Variants in LRP1B observed in about 807,000 individuals in gnomAD.
The protein encoded by LRP1B is low-density lipoprotein receptor-related protein 1B.
LRP1B carries 217 observed loss-of-function variants against 556.6 expected under a neutral mutation model. The ratio of observed to expected loss-of-function variants is 0.39; its 90% CI spans 0.35 to 0.44. LRP1B has a LOEUF of 0.44. Among genes scored for constraint, LRP1B ranks in the 20% least tolerant of loss-of-function variants. The pLI is 1.00. For synonymous variants in LRP1B, 2,047 were observed against 1,865.8 expected (o/e 1.10, Z -2.50); for missense variants, 5,053 against 5,620.8 (o/e 0.90, Z 3.23).
intron 9 of LRP1B, among the ~76,000 whole-genome samples, 189 bp from the exon 10 acceptor site, chr2:141,055,448 G>C (rs1246541096): frequency 6.6e-6 from 1 of 151,730 alleles, no homozygotes; most frequent in Non-Finnish European, 1.5e-5. Flanking sequence ...ACAGGGATTT[G>C]ACAAAATCCT....
At chr2:140,641,080 A>T (rs890567798) in intron 41 of LRP1B, among the ~76,000 whole-genome samples, 4 of 152,228 alleles carry the variant, frequency 2.6e-5, no homozygotes, top group African/African-American at 7.2e-5. Context: ...AAAACTCCAC[A>T]TAAAAGACAA....
At chr2:141,068,571 A>C in intron 7 of LRP1B, among the ~76,000 whole-genome samples, 1 of 151,662 alleles carries the variant, frequency 6.6e-6, no homozygotes, top group East Asian at 2.0e-4. Context: ...AAAAAAAAAA[A>C]AAAAAAGGAA....
chr2:141,046,331 A>T (rs900344190), intron 11 of LRP1B, among the ~76,000 whole-genome samples: 1 of 152,142 alleles, frequency 6.6e-6, no homozygotes, highest in Non-Finnish European at 1.5e-5. Flanking sequence ...ACTCTACCTA[A>T]ATAAGTGAAT....
intron 3 of LRP1B, among the ~76,000 whole-genome samples, chr2:141,446,973 G>C (rs1398038527): frequency 1.3e-5 from 2 of 152,078 alleles, no homozygotes; most frequent in Non-Finnish European, 2.9e-5. Flanking sequence ...TGCTAGGTTG[G>C]GGAAGTTCTC....
At chr2:141,194,001 A>G (rs1358307349) in intron 6 of LRP1B, among the ~76,000 whole-genome samples, 2 of 152,106 alleles carry the variant, frequency 1.3e-5, no homozygotes, top group Non-Finnish European at 2.9e-5. Context: ...TCCAATAGAG[A>G]TGCAAATGAT....
rs1339678872 is a variant in LRP1B at position 141,010,935 on chromosome 2, G to A, written c.2380+2621C>T. 2.8e-5 allele frequency among the ~76,000 whole-genome samples: 4 copies of A among 143,790 alleles called. No individual in the cohort carries two copies. The South Asian group carries it at 9.1e-4, about 33-fold the overall frequency. 94.3% of individuals were successfully genotyped at this position (143,790 alleles called of 152,430 possible). A position where few individuals can be genotyped will look rare whatever the true frequency, so the allele number is the denominator to read the frequency against. On this transcript the variant is annotated intron_variant, in intron 14 of 90. Transcript: ENST00000389484. ...ATTAGCATTCCTGAATATTTTTCAT[G>A]GTGGTCTTGTCAGATGGTGTGTGTG...
intron 23 of LRP1B, among the ~76,000 whole-genome samples, chr2:140,896,950 C>T (rs998019482): frequency 2.0e-5 from 3 of 152,148 alleles, no homozygotes; most frequent in African/African-American, 7.2e-5. Context: ...CCAGTAGTAA[C>T]TAGTCAATTC....
In LRP1B at chr2:141,756,349, T is replaced by C. The variant is rs1694318076; in HGVS notation, c.205+53930A>G. Among the ~76,000 whole-genome samples the C allele has an allele frequency of 2.0e-5, 3 of 152,106 alleles. 1 individual carries two copies. The highest frequency in any genetic ancestry group is 4.1e-4 in the South Asian group (2 of 4,828). On this transcript the variant is annotated intron_variant, in intron 2 of 90. Transcript: ENST00000389484. ...ACTTTAATGAGTTCAAATTAAATGATTTGACCAGCACCATGCAATTGAAAA... is the reference window on the plus strand; with the variant it reads ...ACTTTAATGAGTTCAAATTAAATGACTTGACCAGCACCATGCAATTGAAAA...
intron 32 of LRP1B, among the ~76,000 whole-genome samples, chr2:140,780,684 T>C (rs1301696074): frequency 6.6e-6 from 1 of 152,184 alleles, no homozygotes; most frequent in African/African-American, 2.4e-5. Flanking sequence ...AATCCTCACA[T>C]TTCATTCAGC....
At chr2:141,102,996 A>T (rs1700504938) in intron 7 of LRP1B, among the ~76,000 whole-genome samples, 1 of 152,138 alleles carries the variant, frequency 6.6e-6, no homozygotes, top group Admixed American at 6.6e-5. Context: ...CCTATAATAA[A>T]GCAAACCAGA....
intron 3 of LRP1B, among the ~76,000 whole-genome samples, chr2:141,446,064 T>C (rs1466041339): frequency 1.3e-5 from 2 of 152,206 alleles, no homozygotes; most frequent in Non-Finnish European, 2.9e-5. Context: ...AGTCTCTTTG[T>C]AGGTCTCTAA....
chr2:140,506,991 G>A (rs2104908231), intron 52 of LRP1B, 73 bp from the exon 53 acceptor site: 1 of 1,461,210 alleles, frequency 6.8e-7, no homozygotes, highest in Non-Finnish European at 9.2e-7. Context: ...GGAGCTTGGG[G>A]AATATATAAA....
intron 57 of LRP1B, 39 bp downstream of exon 57, chr2:140,492,569 C>T (rs1285482968): frequency 7.3e-7 from 1 of 1,374,472 alleles, no homozygotes; most frequent in Non-Finnish European, 1.0e-6. Flanking sequence ...ACCTAGTGCA[C>T]ATGTTAAATG....
intron 3 of LRP1B, among the ~76,000 whole-genome samples, chr2:141,322,331 A>C (rs1687270325): frequency 6.6e-6 from 1 of 152,072 alleles, no homozygotes; most frequent in Non-Finnish European, 1.5e-5. Context: ...CTGTAAAAGA[A>C]TACATTTTTA....
At chr2:141,807,435 G>A (rs1465448940) in intron 2 of LRP1B, among the ~76,000 whole-genome samples, 1 of 151,986 alleles carries the variant, frequency 6.6e-6, no homozygotes, top group Non-Finnish European at 1.5e-5. Context: ...GATTAATAAA[G>A]AGCAGTTTCA....
chr2:140,337,220 A>G (rs1573812257), intron 77 of LRP1B, among the ~76,000 whole-genome samples: 1 of 152,004 alleles, frequency 6.6e-6, no homozygotes, highest in East Asian at 1.9e-4. Context: ...ACAATTTCCA[A>G]TGCTGTTTAT....
chr2:141,383,623 A>G (rs1689720064), intron 3 of LRP1B, among the ~76,000 whole-genome samples: 1 of 152,200 alleles, frequency 6.6e-6, no homozygotes. Flanking sequence ...AAGAACTGTA[A>G]GTCAAAAGTT....
chr2:142,013,727 T>C lies in LRP1B; in HGVS notation c.82+116921A>G, dbSNP rs150007802. ...TGTAAATATATTATTGTACTAATAT[T>C]AATTATAATTTTAAAAAAGTAGGAA... On this transcript the variant is annotated intron_variant, in intron 1 of 90. Coordinates refer to ENST00000389484, the MANE Select transcript of LRP1B (RefSeq NM_018557.3). Among the ~76,000 whole-genome samples the C allele has an allele frequency of 3.8e-3, 574 of 152,212 alleles. 4 individuals are homozygous for C. Among genetic ancestry groups the C allele is most frequent in the African/African-American group, 0.013 (525 of 41,556 alleles).
At chr2:140,954,387 A>G (rs1414207032) in intron 18 of LRP1B, among the ~76,000 whole-genome samples, 1 of 152,162 alleles carries the variant, frequency 6.6e-6, no homozygotes, top group Non-Finnish European at 1.5e-5. Flanking sequence ...ATCTTTAAAA[A>G]TAACATTACA....
Sources: allele counts gnomAD v4.1 joint callset (sites outside exome capture counted in the v4.1 genomes callset), GRCh38; gene constraint gnomAD v4.1.1; transcripts MANE v1.5; gene names NCBI Gene and HGNC (gene_info 2026-07-23, HGNC 2026-07-21).